SMCR8: variants seen among roughly 807,000 people sequenced by gnomAD.
SMCR8 encodes the protein guanine nucleotide exchange protein SMCR8.
In SMCR8, 30 loss-of-function variants were observed where a neutral mutation model predicts 56.6. The observed-to-expected ratio is 0.53, with a 90% confidence interval of 0.40 to 0.72. SMCR8 has a LOEUF of 0.72. Ranked by LOEUF, SMCR8 falls within the 30% of genes least tolerant of loss-of-function variation. The pLI, the probability that SMCR8 is intolerant of heterozygous loss-of-function variation, is 0.00. For missense variants in SMCR8, 1,198 were observed against 1,157.0 expected, an observed-to-expected ratio of 1.04 and a Z score of -0.51; for synonymous variants, 538 against 456.0, an observed-to-expected ratio of 1.18 and a Z score of -2.29.
At position 18,322,006 on chromosome 17, in the gene SMCR8, G is replaced by A. The variant is rs542083672; in HGVS notation, c.2361-611G>A. On this transcript the variant is annotated intron_variant, in intron 1 of 1. Transcript: ENST00000406438. ...AGGTTATTTCAGGCAGAAAGAAGAG[G>A]TTTTTTTGTTTGTTTTGTTTTTTAA... Among the ~76,000 whole-genome samples, 7 of 152,150 alleles carry A rather than the reference G, an allele frequency of 4.6e-5. No individual in the cohort carries two copies. The South Asian group carries it at 1.5e-3, about 32-fold the overall frequency.
At position 18,324,179 on chromosome 17, in the gene SMCR8, C is replaced by T. The variant is rs922788470; in HGVS notation, c.*1109C>T. The stretch of plus-strand genomic sequence containing the variant: ...CCAGCCGATGAGAACTCAAATAGCA[C>T]GGATTTCCTGGATGAGCTACCACGT... On this transcript the variant is annotated 3_prime_UTR_variant, in exon 2 of 2. Coordinates refer to ENST00000406438, the MANE Select transcript of SMCR8 (RefSeq NM_144775.3). The T allele has an allele frequency of 1.3e-5, 2 of 152,272 alleles. No homozygotes were observed. The highest frequency in any genetic ancestry group is 2.4e-5 in the African/African-American group (1 of 41,458). The allele number at this position is 152,272 out of a possible 1,614,324, so 9.4% of individuals were successfully genotyped here. A position where few individuals can be genotyped will look rare whatever the true frequency, so the allele number is the denominator to read the frequency against.
rs1982550770 is a variant in SMCR8 at position 18,323,062 on chromosome 17, A to C, written c.2806A>C (p.Lys936Gln). 3 of 1,612,738 alleles carry C rather than the reference A, an allele frequency of 1.9e-6. No individual in the cohort carries two copies. Among genetic ancestry groups the C allele is most frequent in the Non-Finnish European group, 2.5e-6 (3 of 1,179,136 alleles). Reference sequence around the variant, plus strand: ...TGACTATGTCCCCAGCTTTTTGTATAAAATCTGAGGTCGGTCCCAGACACT... The same window carrying C: ...TGACTATGTCCCCAGCTTTTTGTATCAAATCTGAGGTCGGTCCCAGACACT... ...RFDYVPSFLY[K>Q]I is the part of the protein sequence containing the mutation. The change falls in exon 2 of 2, where the codon AAA (lysine) becomes CAA (glutamine). Residue 936 changes from lysine to glutamine, a missense_variant. Physicochemically the swap from Lys to Gln is moderately conservative, Grantham distance 53 (BLOSUM62 1). Coordinates refer to ENST00000406438, the MANE Select transcript of SMCR8 (RefSeq NM_144775.3).
Position 18,324,940 on chromosome 17 carries a change from G to A in SMCR8, c.*1870G>A, listed in dbSNP as rs1982608068. 1 of 152,260 alleles carries A rather than the reference G, an allele frequency of 6.6e-6. No homozygotes were observed. Among genetic ancestry groups the A allele is most frequent in the Admixed American group, 6.5e-5 (1 of 15,280 alleles). 9.4% of individuals were successfully genotyped at this position (152,260 alleles called of 1,614,324 possible). A position where few individuals can be genotyped will look rare whatever the true frequency, so the allele number is the denominator to read the frequency against. On this transcript the variant is annotated 3_prime_UTR_variant, in exon 2 of 2. Transcript: ENST00000406438. ...GGCAGCCTTTAAATGTGAAACGTCT[G>A]TTACTTGCGCTGGAGGCAGAGGCTG...
In SMCR8 at chr17:18,325,445, C is replaced by T. The variant is rs1321361634; in HGVS notation, c.*2375C>T. ...GCAGCCATGTAAGTGGCAAGCAGGG[C>T]TGGTCTCCCTCAAGGTGGTTCTTCA... On this transcript the variant is annotated 3_prime_UTR_variant, in exon 2 of 2. Coordinates refer to ENST00000406438, the MANE Select transcript of SMCR8 (RefSeq NM_144775.3). 6.6e-6 allele frequency: 1 copy of T among 152,266 alleles called. No individual in the cohort carries two copies. The highest frequency in any genetic ancestry group is 2.4e-5 in the African/African-American group (1 of 41,466). 9.4% of individuals were successfully genotyped at this position (152,266 alleles called of 1,614,324 possible).
chr17:18,319,306 C>CA (rs779128215), intron 1 of SMCR8, among the ~76,000 whole-genome samples: 110 of 152,190 alleles, frequency 7.2e-4, no homozygotes, highest in Middle Eastern at 3.4e-3. Context: ...AGTGCATGTC[C>CA]AAAAAAACAC....
chr17:18,317,482 G>A lies in SMCR8; in HGVS notation c.1693G>A (p.Glu565Lys), dbSNP rs1982355951. ...CTTCCAGGCAAGCATCAGTCCTCCAGAACTGGGTGAGACAGAGGAAGGCAG... is the reference window on the plus strand; with the variant it reads ...CTTCCAGGCAAGCATCAGTCCTCCAAAACTGGGTGAGACAGAGGAAGGCAG... Reference protein sequence around the residue: ...IRFQASISPPELGETEEGSIE... With the variant: ...IRFQASISPPKLGETEEGSIE... The change falls in exon 1 of 2, where the codon GAA becomes AAA. Residue 565 changes from glutamate to lysine, a missense_variant. Physicochemically the swap from Glu to Lys is moderately conservative, Grantham distance 56. Coordinates refer to ENST00000406438, the MANE Select transcript of SMCR8 (RefSeq NM_144775.3). 1 of 1,613,996 alleles carries A rather than the reference G, an allele frequency of 6.2e-7. No homozygotes were observed. The highest frequency in any genetic ancestry group is 8.5e-7 in the Non-Finnish European group (1 of 1,180,042).
At position 18,325,514 on chromosome 17, in the gene SMCR8, T is replaced by C. The variant is rs1284696523; in HGVS notation, c.*2444T>C. On this transcript the variant is annotated 3_prime_UTR_variant, in exon 2 of 2. Transcript: ENST00000406438. ...GTGACTAGTGTTTAGCTCCCAGATT[T>C]ATATTTGGGTTAAAAACTAACTTTT... 1.3e-5 allele frequency: 2 copies of C among 152,216 alleles called. No homozygotes were observed. The highest frequency in any genetic ancestry group is 2.4e-5 in the African/African-American group (1 of 41,450). 9.4% of individuals were successfully genotyped at this position (152,216 alleles called of 1,614,324 possible).
At chr17:18,319,295 T>G (rs1177771959) in intron 1 of SMCR8, among the ~76,000 whole-genome samples, 1 of 152,150 alleles carries the variant, frequency 6.6e-6, no homozygotes, top group Non-Finnish European at 1.5e-5. Context: ...GGTCCACGTT[T>G]AGTGCATGTC....
At position 18,317,500 on chromosome 17, in the gene SMCR8, G is replaced by A. The variant is rs551511323; in HGVS notation, c.1711G>A (p.Glu571Lys). ...ISPPELGETE[E>K]GSIENTPSQI... Reference sequence around the variant, plus strand: ...TCCTCCAGAACTGGGTGAGACAGAGGAAGGCAGCATAGAAAACACCCCATC... The same window carrying A: ...TCCTCCAGAACTGGGTGAGACAGAGAAAGGCAGCATAGAAAACACCCCATC... Residue 571 changes from glutamate to lysine, a missense_variant, in exon 1 of 2, where the codon GAA becomes AAA. Coordinates refer to ENST00000406438, the MANE Select transcript of SMCR8 (RefSeq NM_144775.3). 91 of 1,614,066 alleles carry A rather than the reference G, an allele frequency of 5.6e-5. 2 individuals are homozygous for A. The South Asian group carries it at 8.1e-4, about 14-fold the overall frequency.
In SMCR8 at chr17:18,316,710, C is replaced by G; in HGVS notation, c.921C>G (p.Ile307Met). The change falls in exon 1 of 2, where the codon ATC (isoleucine) becomes ATG (methionine). Residue 307 changes from isoleucine to methionine, a missense_variant. Transcript: ENST00000406438. ...TCRPAYTPKL[I>M]KAKSTKCFDK... ...GACCAGCCTACACCCCAAAACTTAT[C>G]AAAGCAAAGTCCACCAAGTGTTTTG... 2 of 1,614,192 alleles carry G rather than the reference C, an allele frequency of 1.2e-6. No homozygotes were observed. The highest frequency in any genetic ancestry group is 1.7e-6 in the Non-Finnish European group (2 of 1,180,026).
chr17:18,323,290 G>A lies in SMCR8; in HGVS notation c.*220G>A. 1.8e-6 allele frequency: 1 copy of A among 543,870 alleles called. No homozygotes were observed. Among genetic ancestry groups the A allele is most frequent in the South Asian group, 2.5e-5 (1 of 40,072 alleles). The allele number at this position is 543,870 out of a possible 1,614,324, so 33.7% of individuals were successfully genotyped here. A position where few individuals can be genotyped will look rare whatever the true frequency, so the allele number is the denominator to read the frequency against. On this transcript the variant is annotated 3_prime_UTR_variant, in exon 2 of 2. Transcript: ENST00000406438. Reference sequence around the variant, plus strand: ...GGAGGGATGGTGACAGCTACATTTGGCTCCCTGGTGAAGAGTGGCCCCTGG... The same window carrying A: ...GGAGGGATGGTGACAGCTACATTTGACTCCCTGGTGAAGAGTGGCCCCTGG...
rs2142994434 is a variant in SMCR8, at chr17:18,323,095, AGACCTGT to A, written c.*29_*35del. 2.5e-6 allele frequency: 4 copies of A among 1,590,222 alleles called. No individual in the cohort carries two copies. The highest frequency in any genetic ancestry group is 3.4e-6 in the Non-Finnish European group (4 of 1,164,180). ...AGGTCGGTCCCAGACACTGTGACCA[AGACCTGT>A]GACTCAGGGTATGGGGAGGGGAGGG... On this transcript the variant is annotated 3_prime_UTR_variant, in exon 2 of 2. Transcript: ENST00000406438.
At position 18,317,658 on chromosome 17, in the gene SMCR8, C is replaced by A. The variant is rs1982365664; in HGVS notation, c.1869C>A (p.Asp623Glu). 6.2e-7 allele frequency: 1 copy of A among 1,614,084 alleles called. No homozygotes were observed. Among genetic ancestry groups the A allele is most frequent in the African/African-American group, 1.3e-5 (1 of 74,936 alleles). ...CCCCACAGCGCCACAGGCAGAAGGA[C>A]CAGGGGTTCCGTGTAGACTTTTCAG... ...SSPPQRHRQK[D>E]QGFRVDFSVE... The change falls in exon 1 of 2, where the codon GAC becomes GAA. Residue 623 changes from aspartate (D) to glutamate (E), a missense_variant. Asp to Glu is a conservative substitution (Grantham distance 45). Transcript: ENST00000406438.
Position 18,317,073 on chromosome 17 carries a change from G to A in SMCR8, c.1284G>A (p.Lys428=), listed in dbSNP as rs1235870829. The A allele has an allele frequency of 6.2e-7, 1 of 1,614,212 alleles. No homozygotes were observed. The change falls in exon 1 of 2, where the codon AAG becomes AAA. Residue 428 remains lysine (K), a synonymous_variant. Transcript: ENST00000406438. The part of the protein sequence containing the change: ...YKSSVESVLI[K]MEQELGDEEY... ...CCAGTGTGGAGTCTGTGTTGATCAA[G>A]ATGGAGCAGGAACTGGGAGATGAGG...
At position 18,317,750 on chromosome 17, in the gene SMCR8, C is replaced by G; in HGVS notation, c.1961C>G (p.Pro654Arg). Residue 654 changes from proline (P) to arginine (R), a missense_variant, in exon 1 of 2, where the codon CCG becomes CGG. Transcript: ENST00000406438. ...CEGFPAYELD[P>R]SHLLASRDIS... ...GGGTTTCCCGCTTATGAGCTGGACC[C>G]GAGCCACCTGCTGGCTAGCCGGGAC... The G allele has an allele frequency of 6.2e-7, 1 of 1,614,150 alleles. No individual in the cohort carries two copies. Among genetic ancestry groups the G allele is most frequent in the South Asian group, 1.1e-5 (1 of 91,086 alleles).
Position 18,316,659 on chromosome 17 carries a change from T to G in SMCR8, c.870T>G (p.Ser290=), listed in dbSNP as rs771263648. 7 of 1,614,080 alleles carry G rather than the reference T, an allele frequency of 4.3e-6. No individual in the cohort carries two copies. The highest frequency in any genetic ancestry group is 5.1e-6 in the Non-Finnish European group (6 of 1,180,050). Residue 290 remains serine (S), a synonymous_variant, in exon 1 of 2, where the codon TCT becomes TCG. Coordinates refer to ENST00000406438, the MANE Select transcript of SMCR8 (RefSeq NM_144775.3). ...CCACTACCTCTAACCCTGATGAGTC[T>G]GCCGACACAGACCTTTACACCTGCA... The part of the protein sequence containing the change: ...QASTTSNPDE[S]ADTDLYTCRP...
chr17:18,316,152 C>G lies in SMCR8; in HGVS notation c.363C>G (p.Ser121=). 1 of 1,614,182 alleles carries G rather than the reference C, an allele frequency of 6.2e-7. No individual in the cohort carries two copies. Among genetic ancestry groups the G allele is most frequent in the Non-Finnish European group, 8.5e-7 (1 of 1,180,046 alleles). ...AYPKLNFVED[S]KVVLGDSKEG... ...CCAAGCTGAACTTCGTGGAGGACTCCAAGGTGGTGCTGGGAGATTCTAAGG... is the reference window on the plus strand; with the variant it reads ...CCAAGCTGAACTTCGTGGAGGACTCGAAGGTGGTGCTGGGAGATTCTAAGG... Residue 121 remains serine, a synonymous_variant, in exon 1 of 2, where the codon TCC becomes TCG. Coordinates refer to ENST00000406438, the MANE Select transcript of SMCR8 (RefSeq NM_144775.3).
At chr17:18,318,238 T>G in intron 1 of SMCR8, 89 bp downstream of exon 1, 1 of 1,299,746 alleles carries the variant, frequency 7.7e-7, no homozygotes, top group Non-Finnish European at 1.1e-6. Flanking sequence ...GAAGCCTGGC[T>G]TCTAGACAGG....
rs146402008 is a variant in SMCR8 at position 18,318,304 on chromosome 17, A to G, written c.2360+155A>G. On this transcript the variant is annotated intron_variant, in intron 1 of 1. Coordinates refer to ENST00000406438, the MANE Select transcript of SMCR8 (RefSeq NM_144775.3). ...CAAGTCATCCCCCTCTCTGGTTTCT[A>G]TTTCCTTGTCTGTCATGTGAGGGGG... Among the ~76,000 whole-genome samples, 525 of 151,934 alleles carry G rather than the reference A, an allele frequency of 3.5e-3. 3 individuals are homozygous for G. The highest frequency in any genetic ancestry group is 5.0e-3 in the Non-Finnish European group (342 of 67,980).
Sources: gnomAD v4.1 joint callset for allele counts (sites outside exome capture counted in the v4.1 genomes callset) on GRCh38, gnomAD v4.1.1 for gene constraint, MANE v1.5 for transcripts, NCBI Gene and HGNC (gene_info 2026-07-23, HGNC 2026-07-21) for gene names.